The following LGR4 variants were observed in gnomAD, a reference collection of about 807,000 sequenced individuals.
The protein encoded by LGR4 is leucine rich repeat containing G protein-coupled receptor 4.
Under a neutral mutation model 84.8 loss-of-function variants are expected in LGR4, and 44 were observed. The ratio of observed to expected loss-of-function variants is 0.52; its 90% CI spans 0.41 to 0.67. The LOEUF is 0.67. LGR4 is among the 30% of genes least tolerant of loss of function. The pLI, the probability that LGR4 is intolerant of heterozygous loss-of-function variation, is 0.00. For synonymous variants in LGR4, 429 were observed against 434.3 expected, an observed-to-expected ratio of 0.99 and a Z score of 0.15; for missense variants, 1,032 against 1,131.4, an observed-to-expected ratio of 0.91 and a Z score of 1.26.
intron 8 of LGR4, 66 bp downstream of exon 8, chr11:27,380,829 G>A: frequency 8.4e-7 from 1 of 1,188,256 alleles, no homozygotes; most frequent in Non-Finnish European, 1.3e-6. Context: ...TTATCAGGGT[G>A]TTTGGCATTG....
chr11:27,380,383 T>G, intron 9 of LGR4, 44 bp from the exon 10 acceptor site: 1 of 1,447,194 alleles, frequency 6.9e-7, no homozygotes, highest in Non-Finnish European at 9.6e-7. Context: ...AAATTTTTTT[T>G]CATATTTTAT....
In LGR4 at chr11:27,380,984, A is replaced by G; in HGVS notation, c.759-18T>C. On this transcript the variant is annotated intron_variant, in intron 7 of 17. Transcript: ENST00000379214. Reference sequence around the variant, plus strand: ...GAAATCCTCTAGAAAGATAGGAGAAAAGTATTTTGAAATGCATTATCCTCT... The same window carrying G: ...GAAATCCTCTAGAAAGATAGGAGAAGAGTATTTTGAAATGCATTATCCTCT... The G allele has an allele frequency of 7.3e-7, 1 of 1,377,420 alleles. No homozygotes were observed. Among genetic ancestry groups the G allele is most frequent in the Non-Finnish European group, 1.0e-6 (1 of 966,620 alleles). The allele number at this position is 1,377,420 out of a possible 1,614,324, so 85.3% of individuals were successfully genotyped here.
At chr11:27,384,521 CAGCTA>C in intron 5 of LGR4, 114 bp from the exon 6 acceptor site, 1 of 695,574 alleles carries the variant, frequency 1.4e-6, no homozygotes, top group Non-Finnish European at 2.5e-6. Context: ...AACATATCAA[CAGCTA>C]AACAGCTAAA....
At chr11:27,460,372 C>T (rs1864659616) in intron 1 of LGR4, among the ~76,000 whole-genome samples, 1 of 152,148 alleles carries the variant, frequency 6.6e-6, no homozygotes, top group Non-Finnish European at 1.5e-5. Flanking sequence ...TAAAGGCAGG[C>T]AGTTTTCAAG....
chr11:27,452,809 A>ATT (rs1864509392), intron 1 of LGR4, among the ~76,000 whole-genome samples: 1 of 119,514 alleles, frequency 8.4e-6, no homozygotes, highest in South Asian at 2.6e-4. Context: ...TTTTTTTTGT[A>ATT]TTTTTAGTAG....
chr11:27,370,761 AG>A lies in LGR4; in HGVS notation c.1579+853del, dbSNP rs1282913113. ...CCTGTTCCCTTCTCATTGGATCATC[AG>A]TTCTTTATGTACATTCTCTGGCACA... On this transcript the variant is annotated intron_variant, in intron 17 of 17. Transcript: ENST00000379214. Among the ~76,000 whole-genome samples the A allele has an allele frequency of 2.0e-5, 3 of 152,284 alleles. No individual in the cohort carries two copies. The East Asian group carries it at 5.8e-4, about 29-fold the overall frequency.
intron 5 of LGR4, 21 bp from the exon 6 acceptor site, chr11:27,384,428 A>G (rs770920604): frequency 6.4e-7 from 1 of 1,551,822 alleles, no homozygotes; most frequent in African/African-American, 1.4e-5. Context: ...AAAAAAGCAT[A>G]AAATGACTTT....
chr11:27,458,236 T>C (rs914692278), intron 1 of LGR4, among the ~76,000 whole-genome samples: 3 of 152,202 alleles, frequency 2.0e-5, no homozygotes, highest in Non-Finnish European at 4.4e-5. Flanking sequence ...AAAGGTTACA[T>C]TGTTTTATTA....
chr11:27,413,541 G>A (rs1432902612), intron 1 of LGR4, among the ~76,000 whole-genome samples: 1 of 152,130 alleles, frequency 6.6e-6, no homozygotes, highest in Admixed American at 6.5e-5. Context: ...CTCCCTGGCA[G>A]CTGCCTTTTG....
chr11:27,426,827 A>G (rs1042593492), intron 1 of LGR4, among the ~76,000 whole-genome samples: 5 of 152,232 alleles, frequency 3.3e-5, no homozygotes, highest in African/African-American at 1.2e-4. Context: ...ATCCTGGTCC[A>G]TGATTCTTTC....
intron 8 of LGR4, 80 bp from the exon 9 acceptor site, chr11:27,380,791 T>C: frequency 8.3e-7 from 1 of 1,206,484 alleles, no homozygotes; most frequent in Non-Finnish European, 1.2e-6. Flanking sequence ...ACAATGTACA[T>C]ATATCTAAAA....
intron 2 of LGR4, among the ~76,000 whole-genome samples, chr11:27,395,158 A>G (rs1454195957): frequency 2.0e-5 from 3 of 152,162 alleles, no homozygotes; most frequent in Non-Finnish European, 2.9e-5. Context: ...GGCAGTAGCC[A>G]TCTTTCCCCA....
At chr11:27,375,390 C>T (rs1178586593) in intron 13 of LGR4, among the ~76,000 whole-genome samples, 1 of 151,928 alleles carries the variant, frequency 6.6e-6, no homozygotes, top group East Asian at 1.9e-4. Flanking sequence ...TAGTGAGTGG[C>T]AAGGTTTGTC....
In LGR4 at chr11:27,392,444, T is replaced by C. The variant is rs761085878; in HGVS notation, c.329+3A>G. On this transcript the variant is annotated splice_donor_region_variant and intron_variant, in intron 3 of 17. Transcript: ENST00000379214. ...TGTGAAACTCTAAAATTGCATTACT[T>C]ACAGAACTTTGAGTTCTTTCAACCC... 12 of 1,581,434 alleles carry C rather than the reference T, an allele frequency of 7.6e-6. No individual in the cohort carries two copies. Among genetic ancestry groups the C allele is most frequent in the Non-Finnish European group, 9.4e-6 (11 of 1,168,174 alleles).
chr11:27,384,463 T>C, intron 5 of LGR4, 56 bp from the exon 6 acceptor site: 3 of 1,200,906 alleles, frequency 2.5e-6, no homozygotes, highest in South Asian at 1.2e-5. Context: ...GCAACTATTA[T>C]CATTGTTTTA....
chr11:27,384,982 C>T (rs757917916), intron 5 of LGR4, among the ~76,000 whole-genome samples: 47 of 152,154 alleles, frequency 3.1e-4, no homozygotes, highest in African/African-American at 7.2e-4. Flanking sequence ...CTGGGACACA[C>T]GTAAAAGCTG....
At chr11:27,454,482 G>A (rs566873808) in intron 1 of LGR4, among the ~76,000 whole-genome samples, 36 of 152,210 alleles carry the variant, frequency 2.4e-4, no homozygotes, top group African/African-American at 7.0e-4. Flanking sequence ...ATTATTGGCC[G>A]GGCACAGTGG....
At chr11:27,399,551 G>T (rs1044254768) in intron 2 of LGR4, among the ~76,000 whole-genome samples, 65 of 148,986 alleles carry the variant, frequency 4.4e-4, no homozygotes, top group Admixed American at 4.4e-3. Flanking sequence ...GTGGAGTCTC[G>T]CACTGTCTCC....
At chr11:27,372,685 A>T (rs1421978432) in intron 15 of LGR4, among the ~76,000 whole-genome samples, 1 of 152,216 alleles carries the variant, frequency 6.6e-6, no homozygotes, top group East Asian at 1.9e-4. Flanking sequence ...AATTTAAAGT[A>T]ATATCTTATG....
Sources: allele counts gnomAD v4.1 joint callset (sites outside exome capture counted in the v4.1 genomes callset), GRCh38; gene constraint gnomAD v4.1.1; transcripts MANE v1.5; gene names NCBI Gene and HGNC (gene_info 2026-07-23, HGNC 2026-07-21).